CTBP2: variants seen among roughly 807,000 people sequenced by gnomAD.
CTBP2 encodes the protein C-terminal binding protein 2, also known as C-terminal-binding protein 2.
CTBP2 carries 30 observed loss-of-function variants against 80.3 expected under a neutral mutation model. That is an observed-to-expected ratio of 0.37 (90% CI 0.28 to 0.51). The LOEUF is 0.51. CTBP2 is among the 20% of genes least tolerant of loss of function. The pLI is 0.93. For missense variants in CTBP2, 1,212 were observed against 1,375.3 expected (o/e 0.88, Z 1.88); for synonymous variants, 594 against 587.4 (o/e 1.01, Z -0.16).
chr10:125,140,912 G>A (rs1048914574), intron 1 of CTBP2, among the ~76,000 whole-genome samples: 1 of 152,070 alleles, frequency 6.6e-6, no homozygotes, highest in Non-Finnish European at 1.5e-5. Flanking sequence ...GGCCGAGACA[G>A]GCAGATCACT....
At position 125,027,448 on chromosome 10, in the gene CTBP2, G is replaced by A; in HGVS notation, c.312C>T (p.Pro104=). 6.2e-7 allele frequency: 1 copy of A among 1,614,118 alleles called. No individual in the cohort carries two copies. ...CACTGTAGTACTCCCGTGGCAGCAGGGGGCTGCGACCAGACATCACTGCCT... is the reference window on the plus strand; with the variant it reads ...CACTGTAGTACTCCCGTGGCAGCAGAGGGCTGCGACCAGACATCACTGCCT... The change falls in exon 1 of 9, where the codon CCC becomes CCT. Residue 104 remains proline, a synonymous_variant. Coordinates refer to ENST00000309035, the MANE Select transcript of CTBP2 (RefSeq NM_022802.3).
chr10:125,037,285 G>C (rs776557478), intron 3 of CTBP2, among the ~76,000 whole-genome samples: 8 of 152,290 alleles, frequency 5.3e-5, no homozygotes, highest in Non-Finnish European at 8.8e-5. Context: ...AACACACAGA[G>C]GAAACGCTGC....
At chr10:125,098,088 T>C (rs1348697253) in intron 2 of CTBP2, among the ~76,000 whole-genome samples, 2 of 152,092 alleles carry the variant, frequency 1.3e-5, no homozygotes, top group East Asian at 3.9e-4. Flanking sequence ...ACCACTGCAC[T>C]CCAGTCTGGG....
intron 1 of CTBP2, among the ~76,000 whole-genome samples, chr10:125,006,168 G>A (rs1023678299): frequency 9.9e-5 from 15 of 152,176 alleles, no homozygotes; most frequent in African/African-American, 3.6e-4. Context: ...CACGCAGAAC[G>A]TGGCTGAGGC....
chr10:125,008,665 G>C (rs76065435), intron 1 of CTBP2, among the ~76,000 whole-genome samples: 2,356 of 152,352 alleles, frequency 0.015, 37 homozygotes, highest in African/African-American at 0.046. Context: ...AAGCAGCTCC[G>C]AGCTGTACAG....
chr10:125,081,564 G>C (rs560701001), intron 2 of CTBP2, among the ~76,000 whole-genome samples: 5 of 152,192 alleles, frequency 3.3e-5, no homozygotes, highest in African/African-American at 1.2e-4. Context: ...AGCAAATGTG[G>C]TAAAATGTCA....
At chr10:125,107,108 A>C (rs774414639) in intron 2 of CTBP2, among the ~76,000 whole-genome samples, 5 of 152,218 alleles carry the variant, frequency 3.3e-5, no homozygotes, top group Non-Finnish European at 7.3e-5. Context: ...AAGGCACAGG[A>C]ATAAAATCCA....
At chr10:125,102,581 C>T (rs555244746) in intron 2 of CTBP2, among the ~76,000 whole-genome samples, 1 of 152,320 alleles carries the variant, frequency 6.6e-6, no homozygotes, top group South Asian at 2.1e-4. Context: ...AGCTGTCGCC[C>T]TGTGTCATGG....
At chr10:125,005,814 A>T (rs765268199) in intron 1 of CTBP2, 17 of 1,609,244 alleles carry the variant, frequency 1.1e-5, no homozygotes, top group Non-Finnish European at 1.3e-5. Context: ...CTCATGCCCC[A>T]GGCGGTCGCC....
At chr10:125,034,745 G>C (rs1310062410) in intron 3 of CTBP2, among the ~76,000 whole-genome samples, 2 of 151,046 alleles carry the variant, frequency 1.3e-5, no homozygotes, top group Non-Finnish European at 3.0e-5. Flanking sequence ...TACAAAGATA[G>C]GTGAAAAGAA....
At chr10:125,072,408 A>G (rs897540297) in intron 2 of CTBP2, among the ~76,000 whole-genome samples, 1 of 152,210 alleles carries the variant, frequency 6.6e-6, no homozygotes, top group African/African-American at 2.4e-5. Context: ...TGAGGTCAGG[A>G]GTTTGACACC....
At chr10:125,078,026 A>G (rs1846540020) in intron 2 of CTBP2, among the ~76,000 whole-genome samples, 1 of 152,164 alleles carries the variant, frequency 6.6e-6, no homozygotes, top group Non-Finnish European at 1.5e-5. Context: ...CACGCCTGTA[A>G]TCCCAGCACT....
chr10:125,085,151 C>G (rs1042581336), intron 2 of CTBP2, among the ~76,000 whole-genome samples: 1 of 152,178 alleles, frequency 6.6e-6, no homozygotes, highest in Non-Finnish European at 1.5e-5. Flanking sequence ...AATACATCAG[C>G]AGGAGAAATG....
At chr10:125,161,365 C>T (rs1032953021), upstream of CTBP2, among the ~76,000 whole-genome samples, 1 of 152,052 alleles carries the variant, frequency 6.6e-6, no homozygotes, top group Admixed American at 6.5e-5. Flanking sequence ...CTTCATCCTC[C>T]TCCGCCCCTT....
In CTBP2 at chr10:125,027,405, T is replaced by C; in HGVS notation, c.355A>G (p.Arg119Gly). Reference sequence around the variant, plus strand: ...TAGAGGGGAGGCTCTTTGGGTACCCTAGCAGCTCCAGACGGATCACTGTAG... The same window carrying C: ...TAGAGGGGAGGCTCTTTGGGTACCCCAGCAGCTCCAGACGGATCACTGTAG... The change falls in exon 1 of 9, where the codon AGG (arginine) becomes GGG (glycine). Residue 119 changes from arginine (R) to glycine (G), a missense_variant. By Grantham distance (125) the Arg-to-Gly change is moderately radical. This residue lies in a region of CTBP2 where 848 missense variants were observed against 782.3 expected (regional missense o/e 1.08). Coordinates refer to ENST00000309035, the MANE Select transcript of CTBP2 (RefSeq NM_022802.3). The C allele has an allele frequency of 1.9e-6, 3 of 1,613,826 alleles. No individual in the cohort carries two copies. Among genetic ancestry groups the C allele is most frequent in the Non-Finnish European group, 2.5e-6 (3 of 1,179,968 alleles).
intron 2 of CTBP2, among the ~76,000 whole-genome samples, chr10:125,083,483 G>C (rs1025953770): frequency 1.4e-4 from 21 of 152,164 alleles, no homozygotes; most frequent in African/African-American, 5.1e-4. Context: ...ACCGCCCTCT[G>C]AGACTCAGTC....
chr10:125,080,612 G>A (rs1028220470), intron 2 of CTBP2, among the ~76,000 whole-genome samples: 2 of 152,144 alleles, frequency 1.3e-5, no homozygotes, highest in Admixed American at 1.3e-4. Context: ...GTCTCCAGAC[G>A]CACATAAGAA....
intron 1 of CTBP2, among the ~76,000 whole-genome samples, chr10:125,141,951 G>A (rs1193967164): frequency 6.6e-6 from 1 of 152,164 alleles, no homozygotes; most frequent in Non-Finnish European, 1.5e-5. Flanking sequence ...TGGAGCCAGC[G>A]GCTATGGCGG....
chr10:125,055,774 C>T (rs1303036783), intron 2 of CTBP2, among the ~76,000 whole-genome samples: 3 of 152,154 alleles, frequency 2.0e-5, no homozygotes, highest in African/African-American at 7.2e-5. Context: ...TAGACACATA[C>T]CCAACTGTTG....
Sources: allele counts gnomAD v4.1 joint callset (sites outside exome capture counted in the v4.1 genomes callset), GRCh38; gene constraint gnomAD v4.1.1; regional missense constraint gnomAD v4.1.1; transcripts MANE v1.5; gene names NCBI Gene and HGNC (gene_info 2026-07-23, HGNC 2026-07-21).